Variants in ZNG1A observed in about 807,000 individuals in gnomAD.
ZNG1A encodes zinc-regulated GTPase metalloprotein activator 1A.
the ZNG1A span, among the ~76,000 whole-genome samples, chr9:140,385 AC>A: frequency 2.0e-5 from 3 of 149,786 alleles, no homozygotes; most frequent in South Asian, 4.2e-4. Flanking sequence ...ACTGGGAGGC[AC>A]CCCCTAGCAG....
the ZNG1A span, among the ~76,000 whole-genome samples, chr9:138,981 A>G: frequency 6.7e-6 from 1 of 149,322 alleles, no homozygotes; most frequent in Non-Finnish European, 1.5e-5. Flanking sequence ...CACTATGCCT[A>G]CCCTTAAGCA....
At chr9:163,951 A>G in the ZNG1A span, 4 of 1,571,206 alleles carry the variant, frequency 2.5e-6, no homozygotes, top group Non-Finnish European at 3.4e-6. Context: ...AACAAGAAAG[A>G]TAAAAGAAAA....
At chr9:147,532 C>A in the ZNG1A span, 1 of 132,556 alleles carries the variant, frequency 7.5e-6, no homozygotes, top group Non-Finnish European at 1.5e-5. Context: ...AAATTCCCAT[C>A]TTATTACTCC....
At chr9:174,357 C>A in the ZNG1A span, among the ~76,000 whole-genome samples, 2 of 151,974 alleles carry the variant, frequency 1.3e-5, no homozygotes, top group Non-Finnish European at 2.9e-5. Flanking sequence ...AGTAGTTTTA[C>A]ACTTACATAT....
the ZNG1A span, among the ~76,000 whole-genome samples, chr9:129,216 G>A: frequency 8.5e-5 from 13 of 152,108 alleles, no homozygotes; most frequent in South Asian, 4.2e-4. Flanking sequence ...GAAAGGAACA[G>A]GTGATGTGTT....
At chr9:168,626 G>C in the ZNG1A span, among the ~76,000 whole-genome samples, 1 of 148,806 alleles carries the variant, frequency 6.7e-6, no homozygotes, top group Non-Finnish European at 1.5e-5. Context: ...CATAGCTATA[G>C]AGAAGTCAAT....
At chr9:177,018 T>C in the ZNG1A span, among the ~76,000 whole-genome samples, 1 of 152,128 alleles carries the variant, frequency 6.6e-6, no homozygotes, top group Admixed American at 6.6e-5. Flanking sequence ...GGCAATTATG[T>C]CACAGGGTGA....
At chr9:145,726 T>C in the ZNG1A span, among the ~76,000 whole-genome samples, 12 of 150,632 alleles carry the variant, frequency 8.0e-5, no homozygotes, top group African/African-American at 2.9e-4. Flanking sequence ...TAAAAAAAAC[T>C]CAAGAAAAAA....
the ZNG1A span, chr9:146,147 G>C: frequency 2.7e-5 from 43 of 1,569,088 alleles, no homozygotes; most frequent in Non-Finnish European, 3.5e-5. Flanking sequence ...TAATACATTA[G>C]AGAGATCAAC....
the ZNG1A span, chr9:167,494 A>C: frequency 3.3e-5 from 5 of 149,566 alleles, no homozygotes; most frequent in East Asian, 9.7e-4. Flanking sequence ...GAATCAATGA[A>C]GTGTATAAGA....
chr9:168,914 TG>T, the ZNG1A span, among the ~76,000 whole-genome samples: 1 of 152,148 alleles, frequency 6.6e-6, no homozygotes, highest in African/African-American at 2.4e-5. Flanking sequence ...ACAACGCACC[TG>T]ATCACCCAAG....
chr9:175,862 G>C, the ZNG1A span: 84 of 1,229,954 alleles, frequency 6.8e-5, 4 homozygotes, highest in African/African-American at 7.9e-4. Context: ...GAATCCTAAC[G>C]TTTTTGAGAA....
the ZNG1A span, among the ~76,000 whole-genome samples, chr9:126,661 G>T: frequency 1.3e-5 from 2 of 151,596 alleles, no homozygotes; most frequent in Admixed American, 6.6e-5. Context: ...CCAGCTTTTT[G>T]TTTCATTTAT....
chr9:126,559 G>A, the ZNG1A span, among the ~76,000 whole-genome samples: 3 of 152,004 alleles, frequency 2.0e-5, no homozygotes, highest in South Asian at 4.2e-4. Context: ...AATATCTCCC[G>A]TTTCATTTCT....
the ZNG1A span, chr9:146,561 T>C: frequency 1.1e-5 from 2 of 179,676 alleles, no homozygotes; most frequent in East Asian, 3.4e-4. Flanking sequence ...CCTCCCTTGA[T>C]ATAACATGTA....
chr9:159,010 G>T, the ZNG1A span, among the ~76,000 whole-genome samples: 2 of 152,076 alleles, frequency 1.3e-5, no homozygotes, highest in East Asian at 3.9e-4. Flanking sequence ...TGGTCATTAA[G>T]TCAGATGACT....
At chr9:138,423 A>G in the ZNG1A span, among the ~76,000 whole-genome samples, 1 of 124,166 alleles carries the variant, frequency 8.1e-6, no homozygotes, top group Non-Finnish European at 1.7e-5. Flanking sequence ...CTACATGCAA[A>G]TTTAATTTTT....
At chr9:128,145 C>T in the ZNG1A span, among the ~76,000 whole-genome samples, 27,683 of 150,720 alleles carry the variant, frequency 0.18, 2,627 homozygotes, top group East Asian at 0.38. Flanking sequence ...GATAACCTGA[C>T]GACAATGTGC....
At chr9:142,972 C>T in the ZNG1A span, among the ~76,000 whole-genome samples, 1 of 141,200 alleles carries the variant, frequency 7.1e-6, no homozygotes, top group Admixed American at 7.2e-5. Context: ...TTGACACATA[C>T]ACCCTCCAAA....
Sources: gnomAD v4.1 joint callset for allele counts (sites outside exome capture counted in the v4.1 genomes callset) on GRCh38, gnomAD v4.1.1 for gene constraint, MANE v1.5 for transcripts, NCBI Gene and HGNC (gene_info 2026-07-23, HGNC 2026-07-21) for gene names.